Variants in SKIL observed in about 807,000 individuals in gnomAD.
SKIL encodes SKI like proto-oncogene, also known as ski-like protein.
Under a neutral mutation model 69.6 loss-of-function variants are expected in SKIL, and 20 were observed. The ratio of observed to expected loss-of-function variants is 0.29; its 90% CI spans 0.20 to 0.42. The LOEUF is 0.42. SKIL is among the 10% of genes least tolerant of loss of function. The pLI is 1.00. For synonymous variants in SKIL, 310 were observed against 279.9 expected (o/e 1.11, Z -1.08); for missense variants, 745 against 783.1 (o/e 0.95, Z 0.58).
rs1000830814 is a variant in SKIL at position 170,396,475 on chromosome 3, T to C, written c.*4058T>C. 2 of 152,214 alleles carry C rather than the reference T, an allele frequency of 1.3e-5. No individual in the cohort carries two copies. The highest frequency in any genetic ancestry group is 2.9e-5 in the Non-Finnish European group (2 of 68,026). 9.4% of individuals were successfully genotyped at this position (152,214 alleles called of 1,614,324 possible). ...ATCTGTGAAGGCAGTAAATGAAATA[T>C]CTGTTCTGCAACTGTTGAAACAAAT... On this transcript the variant is annotated 3_prime_UTR_variant, in exon 7 of 7. Coordinates refer to ENST00000259119, the MANE Select transcript of SKIL (RefSeq NM_005414.5).
Position 170,392,381 on chromosome 3 carries a change from G to C in SKIL, c.2019G>C (p.Leu673=). The part of the protein sequence containing the change: ...KLEMMIKELK[L]QILKSSKTAK... ...AGATGATGATAAAAGAGCTAAAGCT[G>C]CAAATTCTGAAATCATCAAAGACTG... is the stretch of plus-strand genomic sequence containing the variant. Residue 673 remains leucine (L), a synonymous_variant, in exon 7 of 7, where the codon CTG becomes CTC. Transcript: ENST00000259119. 4 of 1,611,318 alleles carry C rather than the reference G, an allele frequency of 2.5e-6. No individual in the cohort carries two copies. The highest frequency in any genetic ancestry group is 2.2e-5 in the South Asian group (2 of 90,808).
At chr3:170,364,846 C>T (rs539324209) in intron 2 of SKIL, among the ~76,000 whole-genome samples, 10 of 152,234 alleles carry the variant, frequency 6.6e-5, no homozygotes, top group South Asian at 6.2e-4. Flanking sequence ...CCAGAATTCA[C>T]TGATTTGAAT....
chr3:170,374,025 CTAAAT>C (rs554966156), intron 2 of SKIL, among the ~76,000 whole-genome samples: 415 of 152,214 alleles, frequency 2.7e-3, no homozygotes, highest in African/African-American at 9.7e-3. Context: ...ATCAAGCTCT[CTAAAT>C]TATTTTTCAT....
intron 2 of SKIL, among the ~76,000 whole-genome samples, chr3:170,366,885 A>C (rs1736556007): frequency 6.6e-6 from 1 of 152,226 alleles, no homozygotes; most frequent in Admixed American, 6.5e-5. Context: ...GTGGATATTC[A>C]GCAAAATCAG....
rs2108231718 is a variant in SKIL at position 170,395,353 on chromosome 3, T to C, written c.*2936T>C. 6.6e-6 allele frequency: 1 copy of C among 152,276 alleles called. No homozygotes were observed. The highest frequency in any genetic ancestry group is 1.9e-4 in the East Asian group (1 of 5,194). 9.4% of individuals were successfully genotyped at this position (152,276 alleles called of 1,614,324 possible). A position where few individuals can be genotyped will look rare whatever the true frequency, so the allele number is the denominator to read the frequency against. On this transcript the variant is annotated 3_prime_UTR_variant, in exon 7 of 7. Coordinates refer to ENST00000259119, the MANE Select transcript of SKIL (RefSeq NM_005414.5). The stretch of plus-strand genomic sequence containing the variant: ...AAGCATATTCTTTTGCTTGAATTTC[T>C]GTGTTCATGAGAGTTAGGGTGTTTT...
At chr3:170,369,445 A>G (rs1244670490) in intron 2 of SKIL, among the ~76,000 whole-genome samples, 1 of 151,996 alleles carries the variant, frequency 6.6e-6, no homozygotes, top group Non-Finnish European at 1.5e-5. Flanking sequence ...CTTGTAGCTC[A>G]GGCTGGAGTG....
intron 4 of SKIL, 85 bp from the exon 5 acceptor site, chr3:170,390,138 T>A: frequency 1.0e-6 from 1 of 978,656 alleles, no homozygotes. Flanking sequence ...TGAAATGTTT[T>A]AAAAATTACA....
intron 2 of SKIL, among the ~76,000 whole-genome samples, chr3:170,378,184 C>T (rs1341221230): frequency 1.3e-5 from 2 of 152,204 alleles, no homozygotes; most frequent in African/African-American, 4.8e-5. Context: ...AGCCACTGTG[C>T]CCTGCCTATT....
Position 170,395,793 on chromosome 3 carries a change from CGTGCTCATACT to C in SKIL, c.*3379_*3389del, listed in dbSNP as rs1483400776. The C allele has an allele frequency of 6.6e-6, 1 of 152,008 alleles. No individual in the cohort carries two copies. Among genetic ancestry groups the C allele is most frequent in the African/African-American group, 2.4e-5 (1 of 41,428 alleles). The allele number at this position is 152,008 out of a possible 1,614,324, so 9.4% of individuals were successfully genotyped here. A position where few individuals can be genotyped will look rare whatever the true frequency, so the allele number is the denominator to read the frequency against. On this transcript the variant is annotated 3_prime_UTR_variant, in exon 7 of 7. Coordinates refer to ENST00000259119, the MANE Select transcript of SKIL (RefSeq NM_005414.5). The stretch of plus-strand genomic sequence containing the variant: ...ATTAAAAATTAATATAAAGAAAAAT[CGTGCTCATACT>C]GTACATCTGTTTCTGTGCTTGGAAC...
chr3:170,384,145 G>C (rs1467564717), intron 3 of SKIL, among the ~76,000 whole-genome samples: 1 of 151,808 alleles, frequency 6.6e-6, no homozygotes, highest in East Asian at 1.9e-4. Context: ...TTGAGCCCAG[G>C]AGTTCAAGAC....
chr3:170,366,232 C>CTT (rs1224238711), intron 2 of SKIL, among the ~76,000 whole-genome samples: 1 of 151,596 alleles, frequency 6.6e-6, no homozygotes, highest in Non-Finnish European at 1.5e-5. Flanking sequence ...AATGAAACAA[C>CTT]TTAATTATTT....
chr3:170,359,116 G>A (rs1224568031), intron 1 of SKIL, among the ~76,000 whole-genome samples: 1 of 152,158 alleles, frequency 6.6e-6, no homozygotes, highest in Non-Finnish European at 1.5e-5. Context: ...ACTACTAATT[G>A]AGATGATCTG....
chr3:170,371,514 GAAAA>G (rs1736805421), intron 2 of SKIL, among the ~76,000 whole-genome samples: 1 of 151,854 alleles, frequency 6.6e-6, no homozygotes, highest in African/African-American at 2.4e-5. Flanking sequence ...CTCAAAAAAA[GAAAA>G]AGAAAAACAA....
At position 170,360,450 on chromosome 3, in the gene SKIL, G is replaced by C. The variant is rs781572923; in HGVS notation, c.119G>C (p.Gly40Ala). ...KKMITDIHAN[G>A]KTINKVPTVK... ...ATGATAACGGACATTCATGCAAATG[G>C]AAAAACGATAAACAAGGTGCCAACA... Residue 40 changes from glycine (G) to alanine (A), a missense_variant, in exon 2 of 7, where the codon GGA becomes GCA. Physicochemically the swap from Gly to Ala is moderately conservative, Grantham distance 60. Transcript: ENST00000259119. 1.2e-6 allele frequency: 2 copies of C among 1,613,942 alleles called. No homozygotes were observed. The highest frequency in any genetic ancestry group is 1.7e-6 in the Non-Finnish European group (2 of 1,179,968).
intron 2 of SKIL, among the ~76,000 whole-genome samples, chr3:170,362,048 C>T (rs940549018): frequency 6.6e-6 from 1 of 152,128 alleles, no homozygotes; most frequent in Non-Finnish European, 1.5e-5. Flanking sequence ...TTCAGAGATA[C>T]ACCTATGATT....
intron 2 of SKIL, among the ~76,000 whole-genome samples, chr3:170,371,164 CTG>C (rs1324454775): frequency 1.1e-4 from 16 of 152,196 alleles, no homozygotes; most frequent in African/African-American, 3.4e-4. Context: ...GTAATTGTAA[CTG>C]TGTTTGTGCA....
intron 2 of SKIL, among the ~76,000 whole-genome samples, chr3:170,371,525 A>G (rs1468098253): frequency 6.6e-6 from 1 of 151,940 alleles, no homozygotes; most frequent in Admixed American, 6.6e-5. Flanking sequence ...AAAAAGAAAA[A>G]CAAAAGGAGT....
intron 4 of SKIL, among the ~76,000 whole-genome samples, chr3:170,385,309 C>T (rs1737561754): frequency 1.4e-5 from 2 of 139,390 alleles, no homozygotes; most frequent in Non-Finnish European, 3.0e-5. Flanking sequence ...TCAAGCTGGT[C>T]TCGAACTCCT....
intron 2 of SKIL, among the ~76,000 whole-genome samples, chr3:170,372,203 T>G (rs1736830047): frequency 6.6e-6 from 1 of 152,250 alleles, no homozygotes; most frequent in Non-Finnish European, 1.5e-5. Context: ...AAGGGGATGT[T>G]ATATTACCAA....
Sources: allele counts gnomAD v4.1 joint callset (sites outside exome capture counted in the v4.1 genomes callset), GRCh38; gene constraint gnomAD v4.1.1; transcripts MANE v1.5; gene names NCBI Gene and HGNC (gene_info 2026-07-23, HGNC 2026-07-21).